INSL6: variants seen among roughly 807,000 people sequenced by gnomAD.
INSL6 encodes insulin like 6.
In INSL6, 16 loss-of-function variants were observed where a neutral mutation model predicts 9.4. That is an observed-to-expected ratio of 1.70 (90% confidence interval 1.15 to 2.59). The LOEUF (loss-of-function observed/expected upper bound fraction) is 2.59, where lower values mean the gene tolerates loss of function less well. Ranked by LOEUF, INSL6 falls within the 30% of genes most tolerant of loss-of-function variation. INSL6 has a pLI of 0.00. For missense variants in INSL6, 391 were observed against 257.3 expected (o/e 1.52, Z -3.56); for synonymous variants, 154 against 96.9 (o/e 1.59, Z -3.46).
chr9:5,026,154 G>C, the INSL6 span, among the ~76,000 whole-genome samples: 2 of 152,100 alleles, frequency 1.3e-5, no homozygotes, highest in Admixed American at 6.6e-5. Flanking sequence ...TATTGAGTTA[G>C]ATACTTAGAT....
the INSL6 span, among the ~76,000 whole-genome samples, chr9:5,046,500 TTC>T: frequency 2.0e-5 from 3 of 152,182 alleles, no homozygotes; most frequent in Middle Eastern, 3.2e-3. Context: ...GAACCTTTCT[TTC>T]TGTTTTCTTG....
At chr9:5,054,017 G>C in the INSL6 span, among the ~76,000 whole-genome samples, 1 of 152,038 alleles carries the variant, frequency 6.6e-6, no homozygotes. This position sits in a 1 kb window ranked among gnomAD's most constrained non-coding sequence, Gnocchi z 4.9. Flanking sequence ...AGAAAAGTCA[G>C]AATATTTCTA....
chr9:5,092,513 A>G, the INSL6 span, among the ~76,000 whole-genome samples: 1 of 152,158 alleles, frequency 6.6e-6, no homozygotes, highest in Non-Finnish European at 1.5e-5. Context: ...AAATACTATT[A>G]AACCATCGTA....
At chr9:5,166,863 A>G (rs1008381907) in intron 1 of INSL6, among the ~76,000 whole-genome samples, 4 of 152,252 alleles carry the variant, frequency 2.6e-5, no homozygotes, top group African/African-American at 4.8e-5. Flanking sequence ...TTAAAAACTC[A>G]TTTGACTTTC....
chr9:5,155,583 G>A (rs1031393563), intron 2 of INSL6, among the ~76,000 whole-genome samples: 2 of 150,794 alleles, frequency 1.3e-5, no homozygotes, highest in Non-Finnish European at 2.9e-5. Context: ...GGAATACTAT[G>A]CAGCCATAAA....
chr9:5,164,454 G>A (rs1364385673), intron 1 of INSL6, among the ~76,000 whole-genome samples, 189 bp from the exon 2 acceptor site: 1 of 152,190 alleles, frequency 6.6e-6, no homozygotes, highest in Admixed American at 6.5e-5. Context: ...CTATTAAAAG[G>A]CTGTACGCCT....
intron 2 of INSL6, among the ~76,000 whole-genome samples, chr9:5,144,495 A>G (rs1444142699): frequency 1.3e-5 from 2 of 151,498 alleles, no homozygotes; most frequent in African/African-American, 4.8e-5. Flanking sequence ...GGTATCTATG[A>G]GGATCCATTT....
chr9:5,168,088 G>T (rs766297934), intron 1 of INSL6, among the ~76,000 whole-genome samples: 19 of 152,164 alleles, frequency 1.2e-4, no homozygotes, highest in Non-Finnish European at 2.6e-4. Flanking sequence ...TGGCCTCAAA[G>T]ATCAAAGGTT....
At chr9:5,121,732 G>T (rs1365920405), downstream of INSL6, among the ~76,000 whole-genome samples, 8 of 152,250 alleles carry the variant, frequency 5.3e-5, no homozygotes, top group East Asian at 1.3e-3. Context: ...AAAGAAGGAG[G>T]AGTCTTTCTT....
intron 2 of INSL6, among the ~76,000 whole-genome samples, chr9:5,156,342 C>T (rs1824814267): frequency 6.6e-6 from 1 of 152,156 alleles, no homozygotes; most frequent in East Asian, 1.9e-4. Flanking sequence ...TTTAGCAGGC[C>T]CCCATTACTC....
the INSL6 span, among the ~76,000 whole-genome samples, chr9:5,022,960 T>C: frequency 6.6e-6 from 1 of 152,244 alleles, no homozygotes; most frequent in African/African-American, 2.4e-5. Flanking sequence ...TATTCTCTTA[T>C]TTAAGATCAG....
At chr9:5,161,582 G>A (rs1477935783), downstream of INSL6, among the ~76,000 whole-genome samples, 3 of 152,112 alleles carry the variant, frequency 2.0e-5, no homozygotes, top group African/African-American at 7.2e-5. Context: ...GGAGGTCCAA[G>A]CTAGAGCAAT....
the INSL6 span, among the ~76,000 whole-genome samples, chr9:5,079,106 G>A: frequency 6.6e-6 from 1 of 152,122 alleles, no homozygotes; most frequent in Non-Finnish European, 1.5e-5. Flanking sequence ...TAAACTTAAT[G>A]ACTTATCTGA....
intron 2 of INSL6, among the ~76,000 whole-genome samples, chr9:5,134,246 GA>G (rs2130881511): frequency 6.6e-6 from 1 of 152,274 alleles, no homozygotes; most frequent in Non-Finnish European, 1.5e-5. Flanking sequence ...AGGGAGAATG[GA>G]ACCAAGTTGG....
At chr9:5,136,641 A>C (rs1824391495) in intron 2 of INSL6, among the ~76,000 whole-genome samples, 1 of 152,240 alleles carries the variant, frequency 6.6e-6, no homozygotes, top group Non-Finnish European at 1.5e-5. Context: ...AGAGCTATTT[A>C]TGACAAACTC....
At chr9:5,053,896 A>G in the INSL6 span, among the ~76,000 whole-genome samples, 2 of 152,068 alleles carry the variant, frequency 1.3e-5, no homozygotes, top group Non-Finnish European at 2.9e-5. Context: ...AAAGATTAGC[A>G]TATATTACGG....
chr9:5,118,283 G>A, the INSL6 span, among the ~76,000 whole-genome samples: 1 of 152,098 alleles, frequency 6.6e-6, no homozygotes. Context: ...CTTTAAAATA[G>A]TATTCCCACT....
the INSL6 span, among the ~76,000 whole-genome samples, chr9:5,083,810 T>C: frequency 1.3e-5 from 2 of 152,168 alleles, no homozygotes; most frequent in East Asian, 3.8e-4. Context: ...GAAAGTGATA[T>C]ACTGCTTATA....
At chr9:5,176,531 T>A (rs779743000) in intron 1 of INSL6, among the ~76,000 whole-genome samples, 1 of 152,092 alleles carries the variant, frequency 6.6e-6, no homozygotes, top group Non-Finnish European at 1.5e-5. Flanking sequence ...ATCATAAGAC[T>A]AAGCAAAAGT....
Sources: gnomAD v4.1 joint callset for allele counts (sites outside exome capture counted in the v4.1 genomes callset) on GRCh38, gnomAD v4.1.1 for gene constraint, Gnocchi (gnomAD v3.1) non-coding constraint, MANE v1.5 for transcripts, NCBI Gene and HGNC (gene_info 2026-07-23, HGNC 2026-07-21) for gene names.